Variants in IKZF1 observed in about 807,000 individuals in gnomAD.
The protein encoded by IKZF1 is DNA-binding protein Ikaros.
IKZF1 carries 10 observed loss-of-function variants against 51.7 expected under a neutral mutation model. That is an observed-to-expected ratio of 0.19 (90% CI 0.12 to 0.33). The LOEUF is 0.33. Among genes scored for constraint, IKZF1 ranks in the 10% least tolerant of loss-of-function variants. The pLI is 1.00. For synonymous variants in IKZF1, 280 were observed against 282.3 expected, an observed-to-expected ratio of 0.99 and a Z score of 0.08; for missense variants, 484 against 707.5, an observed-to-expected ratio of 0.68 and a Z score of 3.58.
intron 3 of IKZF1, among the ~76,000 whole-genome samples, chr7:50,333,686 A>G (rs1015369853): frequency 4.4e-4 from 67 of 152,280 alleles, no homozygotes; most frequent in African/African-American, 1.5e-3. Flanking sequence ...CTGGTTTTCA[A>G]GTTTTCTTTT....
At chr7:50,345,742 T>A (rs758318485) in intron 3 of IKZF1, among the ~76,000 whole-genome samples, 5 of 152,216 alleles carry the variant, frequency 3.3e-5, no homozygotes, top group Non-Finnish European at 7.3e-5. Context: ...TATCTCCTCA[T>A]CCCACAAGCA....
chr7:50,384,187 G>A (rs900691902), intron 5 of IKZF1, among the ~76,000 whole-genome samples: 18 of 152,192 alleles, frequency 1.2e-4, no homozygotes, highest in Admixed American at 3.9e-4. Flanking sequence ...GTGTGAGTCG[G>A]CAGTAATCCC....
intron 3 of IKZF1, among the ~76,000 whole-genome samples, chr7:50,349,302 GC>G (rs1801217837): frequency 6.6e-6 from 1 of 152,150 alleles, no homozygotes; most frequent in Non-Finnish European, 1.5e-5. Context: ...AGTTTTTCTT[GC>G]GAAGTGTTTG....
rs1408305292 is a variant in IKZF1 at position 50,327,770 on chromosome 7, C to T, written c.160+13C>T. The stretch of plus-strand genomic sequence containing the variant: ...GACAGAGTCGTGGGTAAGTGGGTCA[C>T]CAGCGGCCTCTGTGCCTGTGAAACC... On this transcript the variant is annotated intron_variant, in intron 3 of 7. Coordinates refer to ENST00000331340, the MANE Select transcript of IKZF1 (RefSeq NM_006060.6). 2.5e-6 allele frequency: 4 copies of T among 1,602,744 alleles called. No individual in the cohort carries two copies. Among genetic ancestry groups the T allele is most frequent in the South Asian group, 2.2e-5 (2 of 89,074 alleles).
chr7:50,404,531 T>C lies in IKZF1; in HGVS notation c.*3904T>C, dbSNP rs753101637. 19 of 229,376 alleles carry C rather than the reference T, an allele frequency of 8.3e-5. No individual in the cohort carries two copies. Among genetic ancestry groups the C allele is most frequent in the Non-Finnish European group, 1.5e-4 (17 of 115,660 alleles). The allele number at this position is 229,376 out of a possible 1,614,324, so 14.2% of individuals were successfully genotyped here. On this transcript the variant is annotated 3_prime_UTR_variant, in exon 8 of 8. Transcript: ENST00000331340. ...ACTTTCTCCCAATGAGATCCCAATA[T>C]GAGAGGGAGAAGAGATGGGCCTCAG...
At chr7:50,309,987 T>C (rs1380208545) in intron 1 of IKZF1, among the ~76,000 whole-genome samples, 1 of 152,194 alleles carries the variant, frequency 6.6e-6, no homozygotes, top group African/African-American at 2.4e-5. Context: ...GACCTTTTCC[T>C]CCTCCTTTGT....
At chr7:50,396,445 A>G (rs964496663) in intron 7 of IKZF1, among the ~76,000 whole-genome samples, 5 of 151,992 alleles carry the variant, frequency 3.3e-5, no homozygotes, top group Non-Finnish European at 2.9e-5. Flanking sequence ...TTGCTTTTGC[A>G]TTTTATTTTG....
chr7:50,376,843 G>C lies in IKZF1; in HGVS notation c.421+50G>C, dbSNP rs746417603. 1.3e-6 allele frequency: 2 copies of C among 1,597,572 alleles called. No individual in the cohort carries two copies. Among genetic ancestry groups the C allele is most frequent in the Non-Finnish European group, 1.7e-6 (2 of 1,170,328 alleles). On this transcript the variant is annotated intron_variant, in intron 4 of 7. Coordinates refer to ENST00000331340, the MANE Select transcript of IKZF1 (RefSeq NM_006060.6). This position sits in a 1 kb window ranked among gnomAD's most constrained non-coding sequence, Gnocchi z 4.5. ...TTAGTGGCCTGGAGAAGGTGCATGG[G>C]GTTTGAAGGAGGAAAGCATCCTGTC...
At chr7:50,365,328 T>C (rs1806568842) in intron 3 of IKZF1, among the ~76,000 whole-genome samples, 1 of 152,230 alleles carries the variant, frequency 6.6e-6, no homozygotes, top group African/African-American at 2.4e-5. Flanking sequence ...AATTCAGCAT[T>C]ACTCTGGAGA....
chr7:50,384,431 C>G (rs891253131), intron 5 of IKZF1, among the ~76,000 whole-genome samples: 4 of 152,214 alleles, frequency 2.6e-5, no homozygotes, highest in Admixed American at 2.0e-4. Context: ...CTAAAAACTT[C>G]CAAGAAAGGA....
rs772507905 is a variant in IKZF1 at position 50,305,164 on chromosome 7, A to G, written c.-15+242A>G. On this transcript the variant is annotated intron_variant, in intron 1 of 7. Coordinates refer to ENST00000331340, the MANE Select transcript of IKZF1 (RefSeq NM_006060.6). ...ACTTCTGAGCAGCCCCGCTGTCACC[A>G]GGAGAGGAGTTCTAGCTCCCAACCA... is the stretch of plus-strand genomic sequence containing the variant. Among the ~76,000 whole-genome samples the G allele has an allele frequency of 3.9e-5, 6 of 152,184 alleles. No individual in the cohort carries two copies. In the South Asian group the frequency reaches 6.2e-4, roughly 16 times the overall value.
chr7:50,348,304 A>G (rs1453506277), intron 3 of IKZF1, among the ~76,000 whole-genome samples: 3 of 152,176 alleles, frequency 2.0e-5, no homozygotes, highest in African/African-American at 7.2e-5. Flanking sequence ...TCCAGAATCC[A>G]TGTTAGTCCT....
intron 4 of IKZF1, among the ~76,000 whole-genome samples, chr7:50,379,912 A>G (rs944859872): frequency 3.3e-5 from 5 of 152,244 alleles, no homozygotes; most frequent in African/African-American, 1.2e-4. Flanking sequence ...CTAAAATGGG[A>G]GATCTGTGGA....
chr7:50,359,683 CAT>C (rs777142905), intron 3 of IKZF1, among the ~76,000 whole-genome samples: 6 of 152,382 alleles, frequency 3.9e-5, no homozygotes, highest in East Asian at 3.9e-4. Flanking sequence ...CTCATGTACA[CAT>C]GTGTGTGCAC....
chr7:50,327,647 G>C lies in IKZF1; in HGVS notation c.50G>C (p.Ser17Thr), dbSNP rs1562748776. Reference sequence around the variant, plus strand: ...TCTTCTTTCTCATCAGGGAAGGAAAGCCCCCCTGTAAGCGATACTCCAGAT... The same window carrying C: ...TCTTCTTTCTCATCAGGGAAGGAAACCCCCCCTGTAAGCGATACTCCAGAT... ...QDMSQVSGKESPPVSDTPDEG... is the reference protein window; with the variant it reads ...QDMSQVSGKETPPVSDTPDEG... Residue 17 changes from serine (S) to threonine (T), a missense_variant, in exon 3 of 8, where the codon AGC becomes ACC. Transcript: ENST00000331340. 3.7e-6 allele frequency: 6 copies of C among 1,612,116 alleles called. No individual in the cohort carries two copies. Among genetic ancestry groups the C allele is most frequent in the Non-Finnish European group, 5.1e-6 (6 of 1,179,042 alleles).
chr7:50,390,024 G>C (rs1475564644), intron 6 of IKZF1, among the ~76,000 whole-genome samples: 1 of 152,180 alleles, frequency 6.6e-6, no homozygotes, highest in East Asian at 1.9e-4. Context: ...TTAGTAAAAG[G>C]CTTTTGGTCA....
intron 3 of IKZF1, among the ~76,000 whole-genome samples, chr7:50,352,252 C>G (rs1802051413): frequency 6.6e-6 from 1 of 152,176 alleles, no homozygotes. Flanking sequence ...CTAAATGATC[C>G]TGGCTTTGAA....
chr7:50,358,259 C>T (rs1244974905), intron 3 of IKZF1, among the ~76,000 whole-genome samples: 2 of 152,336 alleles, frequency 1.3e-5, no homozygotes, highest in East Asian at 3.9e-4. Flanking sequence ...AAGGACAGGA[C>T]TTTTTGAGAC....
At chr7:50,398,165 A>G (rs1214920141) in intron 7 of IKZF1, among the ~76,000 whole-genome samples, 1 of 152,160 alleles carries the variant, frequency 6.6e-6, no homozygotes, top group Non-Finnish European at 1.5e-5. Context: ...CACCACCCTC[A>G]CCAGCCATCA....
Sources: gnomAD v4.1 joint callset for allele counts (sites outside exome capture counted in the v4.1 genomes callset) on GRCh38, gnomAD v4.1.1 for gene constraint, Gnocchi (gnomAD v3.1) non-coding constraint, MANE v1.5 for transcripts, NCBI Gene and HGNC (gene_info 2026-07-23, HGNC 2026-07-21) for gene names.